Variants in STYXL1 observed in about 807,000 individuals in gnomAD.
The protein encoded by STYXL1 is serine/threonine/tyrosine interacting like 1.
STYXL1 carries 32 observed loss-of-function variants against 36.4 expected under a neutral mutation model. That is an observed-to-expected ratio of 0.88 (90% confidence interval 0.66 to 1.18). The LOEUF (loss-of-function observed/expected upper bound fraction) is 1.18. Ranked by LOEUF, STYXL1 falls within the 50% of genes most tolerant of loss-of-function variation. The pLI, the probability that STYXL1 is intolerant of heterozygous loss-of-function variation, is 0.00. For synonymous variants in STYXL1, 133 were observed against 144.1 expected (o/e 0.92, Z 0.55); for missense variants, 354 against 394.1 (o/e 0.90, Z 0.86).
chr7:76,024,634 C>CA (rs1408062453), intron 3 of STYXL1, among the ~76,000 whole-genome samples: 12 of 37,940 alleles, frequency 3.2e-4, no homozygotes, highest in African/African-American at 5.3e-4. Flanking sequence ...AACAACAAAA[C>CA]AAAAAAAACA....
intron 1 of STYXL1, among the ~76,000 whole-genome samples, chr7:76,032,866 G>C (rs150823936): frequency 5.3e-5 from 8 of 152,268 alleles, no homozygotes; most frequent in Non-Finnish European, 1.2e-4. Context: ...GAGAGAGGAC[G>C]AAACAAAGGA....
rs1554566991 is a variant in STYXL1 at position 76,001,002 on chromosome 7, T to C, written c.698A>G (p.Glu233Gly). The C allele has an allele frequency of 1.2e-6, 2 of 1,613,552 alleles. No homozygotes were observed. Among genetic ancestry groups the C allele is most frequent in the Admixed American group, 3.3e-5 (2 of 60,016 alleles). ...PFLRHMCHFI[E>G]IHHHLGSVIL... ...GACAGAGCCAAGGTGATGGTGAATT[T>C]CTGCAAAAAGAAGTGGGGGGTTGGG... is the stretch of plus-strand genomic sequence containing the variant. The change falls in exon 8 of 9, where the codon GAA (glutamate) becomes GGA (glycine). Residue 233 changes from glutamate (E) to glycine (G), a missense_variant and splice_region_variant. By Grantham distance (98) the Glu-to-Gly change is moderately conservative. Transcript: ENST00000359697.
chr7:76,017,996 C>G (rs887408985), intron 4 of STYXL1, among the ~76,000 whole-genome samples: 3 of 151,482 alleles, frequency 2.0e-5, no homozygotes, highest in Non-Finnish European at 4.4e-5. Flanking sequence ...CAGAGTTATG[C>G]AACCATCCCC....
chr7:76,013,754 G>C lies in STYXL1; in HGVS notation c.441C>G (p.Ile147Met). The change falls in exon 5 of 9, where the codon ATC becomes ATG. Residue 147 changes from isoleucine (I) to methionine (M), a missense_variant. Coordinates refer to ENST00000359697, the MANE Select transcript of STYXL1 (RefSeq NM_001317785.2). ...CATTTGGCCCTACCTGAGGCATCCA[G>C]ATGATCTTCTGGGTCCGGAGAAAGT... ...TYHFLRTQKI[I>M]WMPQELDAFQ... 6.2e-7 allele frequency: 1 copy of C among 1,613,952 alleles called. No individual in the cohort carries two copies. The highest frequency in any genetic ancestry group is 8.5e-7 in the Non-Finnish European group (1 of 1,179,936).
intron 8 of STYXL1, chr7:76,000,320 T>C (rs537879683): frequency 7.0e-6 from 3 of 430,064 alleles, no homozygotes; most frequent in Non-Finnish European, 1.4e-5. Flanking sequence ...ACGAGTTTTA[T>C]TCTTTGTCCC....
At chr7:76,002,350 G>A (rs1554567967) in intron 7 of STYXL1, among the ~76,000 whole-genome samples, 1 of 152,212 alleles carries the variant, frequency 6.6e-6, no homozygotes, top group East Asian at 1.9e-4. Context: ...GGCTGGTCTG[G>A]CAACCCTCAG....
intron 3 of STYXL1, among the ~76,000 whole-genome samples, chr7:76,027,193 C>T (rs1794812797): frequency 6.6e-6 from 1 of 151,944 alleles, no homozygotes; most frequent in Admixed American, 6.6e-5. Flanking sequence ...CCAGGCTTCA[C>T]AATCATGAGG....
At chr7:76,031,424 T>C (rs1207014514) in intron 1 of STYXL1, among the ~76,000 whole-genome samples, 1 of 144,308 alleles carries the variant, frequency 6.9e-6, no homozygotes, top group Non-Finnish European at 1.5e-5. Flanking sequence ...GCTTCAAAAA[T>C]GTATAGTTGG....
chr7:76,005,670 C>T (rs1483155089), intron 5 of STYXL1, among the ~76,000 whole-genome samples: 6 of 152,114 alleles, frequency 3.9e-5, no homozygotes, highest in Non-Finnish European at 1.5e-5. Context: ...CAACTGTTTA[C>T]ACTTGGCCAG....
intron 1 of STYXL1, among the ~76,000 whole-genome samples, chr7:76,031,714 CA>C (rs11395068): frequency 0.29 from 38,504 of 134,584 alleles, 6,244 homozygotes; most frequent in Non-Finnish European, 0.4. Context: ...GACTCCATCT[CA>C]AAAAAAAAAA....
At chr7:76,017,877 A>AAAAAAAAAAAAAAAAAAAAAT (rs1554574524) in intron 4 of STYXL1, among the ~76,000 whole-genome samples, 1 of 146,820 alleles carries the variant, frequency 6.8e-6, no homozygotes, top group Non-Finnish European at 1.5e-5. Context: ...AAAAAAAAAA[A>AAAAAAAAAAAAAAAAAAAAAT]AAAAGGCAAG....
At chr7:76,034,894 C>A (rs1554580399) in intron 1 of STYXL1, among the ~76,000 whole-genome samples, 2 of 152,202 alleles carry the variant, frequency 1.3e-5, no homozygotes, top group Admixed American at 1.3e-4. Context: ...CACACACATA[C>A]CAATGATTCC....
intron 3 of STYXL1, among the ~76,000 whole-genome samples, chr7:76,023,406 C>T (rs1794308206): frequency 6.6e-6 from 1 of 152,086 alleles, no homozygotes; most frequent in African/African-American, 2.4e-5. Context: ...CTCTGTTGCC[C>T]AGGCTGGACT....
At chr7:76,021,818 C>T (rs1554576277) in intron 4 of STYXL1, 33 bp downstream of exon 4, 1 of 1,528,348 alleles carries the variant, frequency 6.5e-7, no homozygotes, top group Non-Finnish European at 9.1e-7. Flanking sequence ...TAGCCGTTAA[C>T]TATTATTCTT....
intron 1 of STYXL1, among the ~76,000 whole-genome samples, chr7:76,037,423 C>T (rs1285656819): frequency 1.3e-5 from 2 of 150,162 alleles, no homozygotes; most frequent in Admixed American, 1.3e-4. Flanking sequence ...AGCTGTTGGG[C>T]TGGGAAGCTC....
chr7:76,030,585 C>T (rs1037215801), intron 1 of STYXL1, 58 bp from the exon 2 acceptor site: 1 of 1,010,606 alleles, frequency 9.9e-7, no homozygotes, highest in Non-Finnish European at 1.6e-6. Context: ...TGAATGACCA[C>T]AAAGTAATAT....
At chr7:76,000,469 C>T (rs782268497) in intron 8 of STYXL1, 154 of 457,686 alleles carry the variant, frequency 3.4e-4, no homozygotes, top group Non-Finnish European at 5.5e-4. Context: ...CTCCGAGTTC[C>T]GCCTGGGTTT....
rs150823936 is a variant in STYXL1, at chr7:76,032,866, G to A, written c.-4-2339C>T. Among the ~76,000 whole-genome samples the A allele has an allele frequency of 2.6e-5, 4 of 152,268 alleles. No homozygotes were observed. The South Asian group carries it at 6.2e-4, about 24-fold the overall frequency. ...AGGAAGAGGGAGGGGGAGAGAGGAC[G>A]AAACAAAGGATAAGAACATTCTGCT... On this transcript the variant is annotated intron_variant, in intron 1 of 8. Transcript: ENST00000359697.
chr7:76,036,913 T>A (rs1445848688), intron 1 of STYXL1, among the ~76,000 whole-genome samples: 4 of 147,866 alleles, frequency 2.7e-5, no homozygotes, highest in Non-Finnish European at 1.5e-5. Context: ...GCCTCCTGAG[T>A]AGCTGGGACT....
Sources: allele counts gnomAD v4.1 joint callset (sites outside exome capture counted in the v4.1 genomes callset), GRCh38; gene constraint gnomAD v4.1.1; transcripts MANE v1.5; gene names NCBI Gene and HGNC (gene_info 2026-07-23, HGNC 2026-07-21).